ITGA1: variants seen among roughly 807,000 people sequenced by gnomAD.
The protein encoded by ITGA1 is integrin alpha-1.
A neutral mutation model predicts 145.9 loss-of-function variants in ITGA1; 85 were observed. The ratio of observed to expected loss-of-function variants is 0.58; its 90% CI spans 0.49 to 0.70. ITGA1 has a LOEUF of 0.70. ITGA1 is among the 30% of genes least tolerant of loss of function. The pLI is 0.00. For synonymous variants in ITGA1, 520 were observed against 495.3 expected (o/e 1.05, Z -0.66); for missense variants, 1,351 against 1,418.7 (o/e 0.95, Z 0.77).
chr5:52,873,510 C>T (rs951480972), intron 6 of ITGA1, among the ~76,000 whole-genome samples: 3 of 152,208 alleles, frequency 2.0e-5, no homozygotes, highest in African/African-American at 7.2e-5. Context: ...AGGAAATAAT[C>T]ATCTACCTGT....
At chr5:52,914,593 G>A (rs2456216) in intron 14 of ITGA1, among the ~76,000 whole-genome samples, 68,638 of 148,948 alleles carry the variant, frequency 0.46, 16,498 homozygotes, top group Non-Finnish European at 0.53. Context: ...CCGAGATAGC[G>A]TCTCAAAAAA....
chr5:52,927,671 A>G lies in ITGA1; in HGVS notation c.2694+7A>G, dbSNP rs772825155. Reference sequence around the variant, plus strand: ...CCTGAGAAGAGGAGAGATGGTGAGCAGATCATACAAAATACATGTAGAAAT... The same window carrying G: ...CCTGAGAAGAGGAGAGATGGTGAGCGGATCATACAAAATACATGTAGAAAT... On this transcript the variant is annotated splice_region_variant and intron_variant, in intron 20 of 28. Coordinates refer to ENST00000282588, the MANE Select transcript of ITGA1 (RefSeq NM_181501.2). 2.6e-6 allele frequency: 4 copies of G among 1,551,324 alleles called. No homozygotes were observed.
At chr5:52,877,697 T>C (rs986651708) in intron 6 of ITGA1, among the ~76,000 whole-genome samples, 1 of 152,220 alleles carries the variant, frequency 6.6e-6, no homozygotes, top group African/African-American at 2.4e-5. Flanking sequence ...GCAGGAGCAG[T>C]CACGGAGCCG....
intron 11 of ITGA1, among the ~76,000 whole-genome samples, chr5:52,900,990 C>A (rs1181191855): frequency 6.6e-6 from 1 of 152,084 alleles, no homozygotes; most frequent in East Asian, 1.9e-4. Context: ...CCAAAGATGT[C>A]CATGTCCTAA....
At chr5:52,932,396 G>A in intron 22 of ITGA1, 1 of 286,862 alleles carries the variant, frequency 3.5e-6, no homozygotes, top group Non-Finnish European at 6.5e-6. Context: ...ATACCGGATT[G>A]CATTTGCTGT....
intron 1 of ITGA1, among the ~76,000 whole-genome samples, chr5:52,804,733 A>G (rs1422426603): frequency 6.6e-6 from 1 of 152,138 alleles, no homozygotes; most frequent in Non-Finnish European, 1.5e-5. Flanking sequence ...AATGCCTCAT[A>G]ATAGCAGCTC....
At chr5:52,798,296 G>A (rs937810306) in intron 1 of ITGA1, among the ~76,000 whole-genome samples, 8 of 152,266 alleles carry the variant, frequency 5.3e-5, no homozygotes, top group African/African-American at 1.7e-4. Context: ...GGGAGACATA[G>A]AGAGCGAGAA....
chr5:52,945,186 G>A (rs979341006), intron 27 of ITGA1, 151 bp downstream of exon 27: 1 of 587,218 alleles, frequency 1.7e-6, no homozygotes, highest in African/African-American at 1.9e-5. Flanking sequence ...TACTTCATTA[G>A]CTTCAAATGT....
In ITGA1 at chr5:52,947,256, G is replaced by A. The variant is rs1222541749; in HGVS notation, c.3379-89G>A. ...TATATAGTAACGAGATTAATGCACT[G>A]GTAGAGAATTGTAGCCTGCAAGAAC... On this transcript the variant is annotated intron_variant, in intron 27 of 28. Transcript: ENST00000282588. 4.0e-6 allele frequency: 3 copies of A among 754,442 alleles called. No individual in the cohort carries two copies. In the East Asian group the frequency reaches 7.5e-5, roughly 19 times the overall value. 46.7% of individuals were successfully genotyped at this position (754,442 alleles called of 1,614,324 possible).
At chr5:52,889,972 G>A (rs1750118505) in intron 8 of ITGA1, 1 of 151,424 alleles carries the variant, frequency 6.6e-6, no homozygotes, top group Non-Finnish European at 1.5e-5. Context: ...GCATAGCCTT[G>A]AATTAATCCG....
At chr5:52,819,224 T>C (rs1219978778) in intron 1 of ITGA1, among the ~76,000 whole-genome samples, 26 of 152,264 alleles carry the variant, frequency 1.7e-4, no homozygotes, top group Admixed American at 1.7e-3. Flanking sequence ...ATCACCACAC[T>C]GACTTCCACA....
At chr5:52,877,635 C>A (rs1749887993) in intron 6 of ITGA1, among the ~76,000 whole-genome samples, 1 of 152,222 alleles carries the variant, frequency 6.6e-6, no homozygotes, top group African/African-American at 2.4e-5. Flanking sequence ...ATGAATATAA[C>A]TGCAAAACTG....
intron 7 of ITGA1, among the ~76,000 whole-genome samples, chr5:52,884,447 T>TAAAA (rs72022536): frequency 2.6e-4 from 36 of 136,736 alleles, no homozygotes; most frequent in South Asian, 4.6e-4. Context: ...AACTCTGCCT[T>TAAAA]AAAAAAAAAA....
At chr5:52,855,916 G>A (rs1749505205) in intron 2 of ITGA1, among the ~76,000 whole-genome samples, 1 of 151,936 alleles carries the variant, frequency 6.6e-6, no homozygotes, top group Non-Finnish European at 1.5e-5. Context: ...TTTACTATTG[G>A]TCCCAACTCC....
intron 1 of ITGA1, among the ~76,000 whole-genome samples, chr5:52,815,283 C>T (rs537966279): frequency 6.6e-6 from 1 of 152,186 alleles, no homozygotes; most frequent in Non-Finnish European, 1.5e-5. Context: ...CAGTGTTTCT[C>T]TCCTACTTTC....
intron 1 of ITGA1, among the ~76,000 whole-genome samples, chr5:52,812,958 C>T (rs1200783707): frequency 6.6e-6 from 1 of 152,072 alleles, no homozygotes; most frequent in Non-Finnish European, 1.5e-5. Flanking sequence ...AGTGGACCCA[C>T]TCAGTCCAGA....
At chr5:52,929,247 C>G (rs1750860638) in intron 20 of ITGA1, among the ~76,000 whole-genome samples, 1 of 152,170 alleles carries the variant, frequency 6.6e-6, no homozygotes, top group Admixed American at 6.5e-5. Context: ...GATAGCAGAA[C>G]CAGGAAGGCA....
chr5:52,868,911 A>G (rs1042694229), intron 6 of ITGA1, among the ~76,000 whole-genome samples: 1 of 152,160 alleles, frequency 6.6e-6, no homozygotes, highest in African/African-American at 2.4e-5. Flanking sequence ...ATTCAGATGT[A>G]TGTACTAAGG....
At chr5:52,817,737 AAGAT>A (rs1343278024) in intron 1 of ITGA1, among the ~76,000 whole-genome samples, 7 of 152,240 alleles carry the variant, frequency 4.6e-5, no homozygotes, top group Admixed American at 4.6e-4. Context: ...ATAGGAAACT[AAGAT>A]AGTACAGACT....
Sources: allele counts gnomAD v4.1 joint callset (sites outside exome capture counted in the v4.1 genomes callset), GRCh38; gene constraint gnomAD v4.1.1; transcripts MANE v1.5; gene names NCBI Gene and HGNC (gene_info 2026-07-23, HGNC 2026-07-21).